Variants in CPA3 observed in about 807,000 individuals in gnomAD.
The protein encoded by CPA3 is carboxypeptidase A3, also known as mast cell carboxypeptidase A.
In CPA3, 52 loss-of-function variants were observed where a neutral mutation model predicts 55.8. That is an observed-to-expected ratio of 0.93 (90% CI 0.75 to 1.17). The LOEUF (loss-of-function observed/expected upper bound fraction) is 1.17. CPA3 is among the 50% of genes most tolerant of loss of function. The pLI, the probability that CPA3 is intolerant of heterozygous loss-of-function variation, is 0.00. For synonymous variants in CPA3, 179 were observed against 171.2 expected (o/e 1.05, Z -0.36); for missense variants, 547 against 509.1 (o/e 1.07, Z -0.72).
intron 10 of CPA3, among the ~76,000 whole-genome samples, chr3:148,889,482 C>T (rs1455188118): frequency 6.6e-6 from 1 of 152,016 alleles, no homozygotes; most frequent in Non-Finnish European, 1.5e-5. Context: ...GAGAGGCAAA[C>T]ATATCAGATA....
intron 3 of CPA3, among the ~76,000 whole-genome samples, chr3:148,877,937 G>A (rs959282332): frequency 1.1e-4 from 16 of 152,096 alleles, no homozygotes; most frequent in Admixed American, 1.0e-3. Context: ...TTTTGGAGAA[G>A]GATGGGGAGT....
intron 2 of CPA3, among the ~76,000 whole-genome samples, chr3:148,868,536 TAACC>T (rs1713969172): frequency 6.6e-6 from 1 of 152,204 alleles, no homozygotes; most frequent in South Asian, 2.1e-4. Context: ...GAGGACTAAC[TAACC>T]AGATATTTAA....
chr3:148,888,519 T>A (rs116750023), intron 10 of CPA3, among the ~76,000 whole-genome samples: 2 of 152,170 alleles, frequency 1.3e-5, no homozygotes, highest in Non-Finnish European at 2.9e-5. Context: ...CCCAGCTATG[T>A]GAGTGGACAA....
chr3:148,886,323 C>A, intron 10 of CPA3, 146 bp downstream of exon 10: 1 of 615,666 alleles, frequency 1.6e-6, no homozygotes, highest in Non-Finnish European at 2.8e-6. Context: ...CTGAATTATA[C>A]GTGAATCTAG....
At chr3:148,870,952 G>T (rs1434980888) in intron 3 of CPA3, among the ~76,000 whole-genome samples, 1 of 152,194 alleles carries the variant, frequency 6.6e-6, no homozygotes, top group African/African-American at 2.4e-5. Flanking sequence ...AGACTGGAGT[G>T]CAGTGGCGCA....
intron 10 of CPA3, among the ~76,000 whole-genome samples, chr3:148,889,802 G>A (rs930101757): frequency 2.0e-5 from 3 of 149,230 alleles, no homozygotes; most frequent in South Asian, 2.1e-4. Context: ...ACCAGAAGGC[G>A]GAGGTTGCAG....
intron 10 of CPA3, among the ~76,000 whole-genome samples, chr3:148,896,316 A>G (rs143873913): frequency 5.7e-4 from 87 of 152,312 alleles, no homozygotes; most frequent in African/African-American, 2.0e-3. Context: ...AATTTTTTAA[A>G]CGCAGCACAC....
At chr3:148,871,774 G>A (rs560755468) in intron 3 of CPA3, among the ~76,000 whole-genome samples, 1 of 152,312 alleles carries the variant, frequency 6.6e-6, no homozygotes, top group Admixed American at 6.5e-5. Flanking sequence ...TTATGGGAAA[G>A]CCAAATAATT....
chr3:148,896,386 A>C lies in CPA3; in HGVS notation c.1067-134A>C, dbSNP rs542204040. The C allele has an allele frequency of 4.6e-6, 3 of 648,908 alleles. No homozygotes were observed. The African/African-American group carries it at 5.4e-5, about 12-fold the overall frequency. The allele number at this position is 648,908 out of a possible 1,614,324, so 40.2% of individuals were successfully genotyped here. Reference sequence around the variant, plus strand: ...CTATGCACTCTGTACTATTCAGACCACTACTCTCATTCATTACTGCAATTA... The same window carrying C: ...CTATGCACTCTGTACTATTCAGACCCCTACTCTCATTCATTACTGCAATTA... On this transcript the variant is annotated intron_variant, in intron 10 of 10. Transcript: ENST00000296046.
At chr3:148,891,333 G>A (rs1028365665) in intron 10 of CPA3, among the ~76,000 whole-genome samples, 1 of 151,930 alleles carries the variant, frequency 6.6e-6, no homozygotes, top group African/African-American at 2.4e-5. Context: ...ATTAAGTTCT[G>A]GCCAGGCACA....
chr3:148,879,124 T>G (rs1714291753), intron 5 of CPA3, among the ~76,000 whole-genome samples: 1 of 152,220 alleles, frequency 6.6e-6, no homozygotes, highest in Non-Finnish European at 1.5e-5. Flanking sequence ...TGTAGAACAG[T>G]GTGTTAGGCA....
intron 9 of CPA3, 74 bp downstream of exon 9, chr3:148,883,889 G>C (rs556200152): frequency 1.8e-6 from 2 of 1,116,106 alleles, no homozygotes; most frequent in African/African-American, 3.1e-5. Flanking sequence ...ATTAACTTGG[G>C]TATGTTGAAA....
chr3:148,885,518 C>A (rs1159627706), intron 9 of CPA3, among the ~76,000 whole-genome samples: 1 of 144,292 alleles, frequency 6.9e-6, no homozygotes, highest in Non-Finnish European at 1.5e-5. Flanking sequence ...TCAAGCGATT[C>A]TCCTGCCTCA....
chr3:148,882,428 C>A, intron 7 of CPA3, 77 bp from the exon 8 acceptor site: 4 of 1,196,912 alleles, frequency 3.3e-6, no homozygotes, highest in Non-Finnish European at 4.9e-6. Flanking sequence ...CAGACACCTG[C>A]AGAGAGAATT....
At chr3:148,894,915 C>A (rs1411987388) in intron 10 of CPA3, among the ~76,000 whole-genome samples, 1 of 152,176 alleles carries the variant, frequency 6.6e-6, no homozygotes, top group Admixed American at 6.6e-5. Context: ...TTTTTCCCAT[C>A]CCAATGCTCT....
intron 2 of CPA3, among the ~76,000 whole-genome samples, chr3:148,867,936 C>T (rs1478816785): frequency 5.3e-5 from 8 of 152,146 alleles, no homozygotes; most frequent in African/African-American, 1.9e-4. Flanking sequence ...GCTCTTGTTG[C>T]CCAGGCTGGA....
intron 10 of CPA3, among the ~76,000 whole-genome samples, chr3:148,894,365 G>A (rs1258222032): frequency 2.0e-5 from 3 of 151,390 alleles, no homozygotes; most frequent in Non-Finnish European, 2.9e-5. Context: ...AACTAAGCAA[G>A]TGAGACTATA....
intron 3 of CPA3, among the ~76,000 whole-genome samples, chr3:148,874,034 C>G (rs868152057): frequency 1.9e-4 from 29 of 152,240 alleles, no homozygotes; most frequent in Middle Eastern, 3.4e-3. Flanking sequence ...TGCCTGGCTG[C>G]TGGTTAGTAG....
chr3:148,881,567 G>T lies in CPA3; in HGVS notation c.622G>T (p.Asp208Tyr). 1 of 1,612,826 alleles carries T rather than the reference G, an allele frequency of 6.2e-7. No individual in the cohort carries two copies. The highest frequency in any genetic ancestry group is 8.5e-7 in the Non-Finnish European group (1 of 1,179,378). Residue 208 changes from aspartate to tyrosine, a missense_variant, in exon 7 of 11, where the codon GAC becomes TAC. Coordinates refer to ENST00000296046, the MANE Select transcript of CPA3 (RefSeq NM_001870.4). Reference sequence around the variant, plus strand: ...AAACAAAATTATGACCAAACTCTTGGACCGAATGAATTTTTACATTCTTCC... The same window carrying T: ...AAACAAAATTATGACCAAACTCTTGTACCGAATGAATTTTTACATTCTTCC... ...GRNKIMTKLL[D>Y]RMNFYILPVF... is the part of the protein sequence containing the mutation.
Sources: gnomAD v4.1 joint callset for allele counts (sites outside exome capture counted in the v4.1 genomes callset) on GRCh38, gnomAD v4.1.1 for gene constraint, MANE v1.5 for transcripts, NCBI Gene and HGNC (gene_info 2026-07-23, HGNC 2026-07-21) for gene names.